The following CDS1 variants were observed in gnomAD, a reference collection of about 807,000 sequenced individuals.
CDS1 encodes the protein CDP-diacylglycerol synthase 1.
A neutral mutation model predicts 62.1 loss-of-function variants in CDS1; 41 were observed. The ratio of observed to expected loss-of-function variants is 0.66; its 90% CI spans 0.51 to 0.86. CDS1 has a LOEUF of 0.86. CDS1 is among the 40% of genes least tolerant of loss of function. The pLI is 0.00. For missense variants in CDS1, 470 were observed against 550.1 expected, an observed-to-expected ratio of 0.85 and a Z score of 1.46; for synonymous variants, 185 against 192.6, an observed-to-expected ratio of 0.96 and a Z score of 0.32.
At chr4:84,620,803 G>T (rs1019520693) in intron 5 of CDS1, among the ~76,000 whole-genome samples, 1 of 151,828 alleles carries the variant, frequency 6.6e-6, no homozygotes, top group Non-Finnish European at 1.5e-5. Flanking sequence ...GCTCATGCCT[G>T]TAATCCCAGC....
intron 5 of CDS1, among the ~76,000 whole-genome samples, chr4:84,625,333 A>T (rs1461348740): frequency 6.6e-6 from 1 of 152,176 alleles, no homozygotes; most frequent in African/African-American, 2.4e-5. Context: ...GATGTTGAGG[A>T]TATAAAGGGA....
rs571811464 is a variant in CDS1 at position 84,622,317 on chromosome 4, G to A, written c.580+2784G>A. Among the ~76,000 whole-genome samples, 7 of 152,246 alleles carry A rather than the reference G, an allele frequency of 4.6e-5. No individual in the cohort carries two copies. In the South Asian group the frequency reaches 6.2e-4, roughly 14 times the overall value. The stretch of plus-strand genomic sequence containing the variant: ...TTTAAAACAACTGCGGGCCAGGTGC[G>A]GTGGCTCACACCTGTAATCCCAGCA... On this transcript the variant is annotated intron_variant, in intron 5 of 12. Coordinates refer to ENST00000295887, the MANE Select transcript of CDS1 (RefSeq NM_001263.4).
At chr4:84,644,566 G>T (rs1724496838) in intron 11 of CDS1, among the ~76,000 whole-genome samples, 1 of 152,046 alleles carries the variant, frequency 6.6e-6, no homozygotes, top group South Asian at 2.1e-4. Flanking sequence ...TATTTTTAGG[G>T]TGCCTGAGTG....
chr4:84,607,490 G>A (rs552194963), intron 2 of CDS1, among the ~76,000 whole-genome samples: 289 of 150,438 alleles, frequency 1.9e-3, no homozygotes, highest in Middle Eastern at 0.01. Context: ...GCGCAGCTAA[G>A]TTTTGCATGT....
At chr4:84,626,195 A>T (rs564656502) in intron 5 of CDS1, among the ~76,000 whole-genome samples, 1 of 152,114 alleles carries the variant, frequency 6.6e-6, no homozygotes, top group East Asian at 1.9e-4. Context: ...AAACAAAAAA[A>T]ACATAGAAAA....
intron 3 of CDS1, among the ~76,000 whole-genome samples, chr4:84,616,737 T>C (rs1723507896): frequency 1.3e-5 from 2 of 152,222 alleles, no homozygotes; most frequent in African/African-American, 4.8e-5. Flanking sequence ...TCTTTGAGTC[T>C]TGGAATCGAC....
chr4:84,641,158 C>T (rs1724372449), intron 10 of CDS1, among the ~76,000 whole-genome samples, 168 bp downstream of exon 10: 1 of 152,122 alleles, frequency 6.6e-6, no homozygotes, highest in African/African-American at 2.4e-5. Flanking sequence ...TTACTGCAAC[C>T]TTTGCTCAAG....
intron 2 of CDS1, among the ~76,000 whole-genome samples, chr4:84,608,773 C>T (rs1342584162): frequency 6.6e-6 from 1 of 152,118 alleles, no homozygotes; most frequent in Non-Finnish European, 1.5e-5. Flanking sequence ...TTGTACCTGG[C>T]TCGTTCTTCC....
rs879046693 is a variant in CDS1 at position 84,642,875 on chromosome 4, TTCC to T, written c.1033-147_1033-145del. The T allele has an allele frequency of 1.9e-4, 132 of 709,754 alleles. 5 individuals are homozygous for T. In the South Asian group the frequency reaches 3.2e-3, roughly 17 times the overall value. The allele number at this position is 709,754 out of a possible 1,614,324, so 44.0% of individuals were successfully genotyped here. Reference sequence around the variant, plus strand: ...TACAGAAGGCTTAAATAGACTTTTCTTCCTTGATCCTTAAAGTTTGAAAAATTA... The same window carrying T: ...TACAGAAGGCTTAAATAGACTTTTCTTTGATCCTTAAAGTTTGAAAAATTA... On this transcript the variant is annotated intron_variant, in intron 10 of 12. Coordinates refer to ENST00000295887, the MANE Select transcript of CDS1 (RefSeq NM_001263.4).
chr4:84,636,628 G>A (rs1247587572), intron 8 of CDS1, among the ~76,000 whole-genome samples: 1 of 152,110 alleles, frequency 6.6e-6, no homozygotes, highest in Admixed American at 6.5e-5. Context: ...GGGTTCAAGT[G>A]ATTCTCCTGC....
rs746601898 is a variant in CDS1 at position 84,643,061 on chromosome 4, T to C, written c.1070T>C (p.Ile357Thr). ...TTGTACCCTTTCCAGATCCACAGCA[T>C]TGCACTGTCAACCTTTGCATCTTTA... ...VSLYPFQIHSIALSTFASLIG... is the reference protein window; with the variant it reads ...VSLYPFQIHSTALSTFASLIG... The change falls in exon 11 of 13, where the codon ATT (isoleucine) becomes ACT (threonine). Residue 357 changes from isoleucine (I) to threonine (T), a missense_variant. Around this residue, in one of 5 missense-constraint regions of CDS1, gnomAD observed 214 missense variants for 242.4 expected, o/e 0.88. Transcript: ENST00000295887. The C allele has an allele frequency of 6.2e-7, 1 of 1,613,144 alleles. No homozygotes were observed.
In CDS1 at chr4:84,635,423, A is replaced by G. The variant is rs1461261741; in HGVS notation, c.810+72A>G. On this transcript the variant is annotated intron_variant, in intron 8 of 12. Coordinates refer to ENST00000295887, the MANE Select transcript of CDS1 (RefSeq NM_001263.4). ...TAGCCACTGGAGAACATTTCCAACA[A>G]CTGTGCTGTTGTGCATTTTTTATTT... 5.0e-6 allele frequency: 4 copies of G among 797,054 alleles called. No individual in the cohort carries two copies. In the Admixed American group the frequency reaches 8.3e-5, roughly 17 times the overall value. 49.4% of individuals were successfully genotyped at this position (797,054 alleles called of 1,614,324 possible). A position where few individuals can be genotyped will look rare whatever the true frequency, so the allele number is the denominator to read the frequency against.
chr4:84,625,606 G>C (rs1723832642), intron 5 of CDS1, among the ~76,000 whole-genome samples: 1 of 152,032 alleles, frequency 6.6e-6, no homozygotes, highest in Non-Finnish European at 1.5e-5. Context: ...GCATGTTTTG[G>C]GTTCATGGAG....
intron 2 of CDS1, among the ~76,000 whole-genome samples, chr4:84,607,598 C>T (rs1222509446): frequency 1.3e-5 from 2 of 151,500 alleles, no homozygotes. Context: ...TATTTCTGTT[C>T]TAAGAAGGGA....
chr4:84,630,281 A>G (rs1044503872), intron 5 of CDS1, among the ~76,000 whole-genome samples: 1 of 152,072 alleles, frequency 6.6e-6, no homozygotes, highest in African/African-American at 2.4e-5. Context: ...CCTTTCTCTC[A>G]ATAAAGTGAC....
intron 5 of CDS1, among the ~76,000 whole-genome samples, chr4:84,630,466 C>T (rs1047765343): frequency 6.6e-6 from 1 of 152,086 alleles, no homozygotes; most frequent in Non-Finnish European, 1.5e-5. Context: ...AATTGATCAC[C>T]AAAAGTAGCG....
At chr4:84,632,151 T>A (rs1043651836) in intron 6 of CDS1, among the ~76,000 whole-genome samples, 4 of 152,200 alleles carry the variant, frequency 2.6e-5, no homozygotes, top group African/African-American at 4.8e-5. Context: ...TTCCTTAAAT[T>A]TGTAGAAATT....
intron 3 of CDS1, among the ~76,000 whole-genome samples, chr4:84,615,954 C>G (rs1480468920): frequency 1.3e-5 from 2 of 152,126 alleles, no homozygotes; most frequent in African/African-American, 4.8e-5. Flanking sequence ...ATTAATTGTC[C>G]TTGCAAGCTA....
At chr4:84,640,732 T>C (rs969231973) in intron 9 of CDS1, 106 bp from the exon 10 acceptor site, 3 of 848,610 alleles carry the variant, frequency 3.5e-6, no homozygotes, top group Non-Finnish European at 4.9e-6. Flanking sequence ...TCTGGCATTC[T>C]ATCTCTGGCC....
Sources: allele counts gnomAD v4.1 joint callset (sites outside exome capture counted in the v4.1 genomes callset), GRCh38; gene constraint gnomAD v4.1.1; regional missense constraint gnomAD v4.1.1; transcripts MANE v1.5; gene names NCBI Gene and HGNC (gene_info 2026-07-23, HGNC 2026-07-21).